Variants in PTPRD observed in about 807,000 individuals in gnomAD.
The protein encoded by PTPRD is protein tyrosine phosphatase receptor type D, also known as receptor-type tyrosine-protein phosphatase delta.
PTPRD carries 34 observed loss-of-function variants against 214.5 expected under a neutral mutation model. The observed-to-expected ratio is 0.16, with a 90% CI of 0.12 to 0.21. The LOEUF is 0.21. Ranked by LOEUF, PTPRD falls within the 10% of genes least tolerant of loss-of-function variation. The pLI, the probability that PTPRD is intolerant of heterozygous loss-of-function variation, is 1.00. For missense variants in PTPRD, 2,545 were observed against 2,398.7 expected, an observed-to-expected ratio of 1.06 and a Z score of -1.27; for synonymous variants, 1,128 against 845.7, an observed-to-expected ratio of 1.33 and a Z score of -5.79.
chr9:9,039,295 C>T (rs538635525), intron 10 of PTPRD, among the ~76,000 whole-genome samples: 4 of 152,166 alleles, frequency 2.6e-5, no homozygotes, highest in Admixed American at 6.5e-5. Context: ...ACATTGGTAG[C>T]GGAGGAATTC....
chr9:9,685,793 G>A (rs893323422), intron 7 of PTPRD, among the ~76,000 whole-genome samples: 11 of 150,872 alleles, frequency 7.3e-5, no homozygotes, highest in Admixed American at 4.6e-4. Context: ...AATACTATTT[G>A]CCAAATATTC....
chr9:8,721,181 C>G (rs1177774811), intron 12 of PTPRD, among the ~76,000 whole-genome samples: 1 of 151,798 alleles, frequency 6.6e-6, no homozygotes, highest in African/African-American at 2.4e-5. Flanking sequence ...GTTATCCCAA[C>G]ACTTTGGGAA....
intron 9 of PTPRD, among the ~76,000 whole-genome samples, chr9:9,220,395 T>C (rs564434541): frequency 6.6e-6 from 1 of 151,648 alleles, no homozygotes; most frequent in African/African-American, 2.4e-5. Context: ...GCATTACTGA[T>C]AAATCTTACC....
chr9:9,996,868 G>C (rs1258181886), intron 4 of PTPRD, among the ~76,000 whole-genome samples: 4 of 152,106 alleles, frequency 2.6e-5, no homozygotes. Context: ...AGAGAAAGAA[G>C]AGCTGATTTT....
At chr9:10,531,792 G>C (rs1210097283) in intron 2 of PTPRD, among the ~76,000 whole-genome samples, 2 of 152,060 alleles carry the variant, frequency 1.3e-5, no homozygotes, top group Admixed American at 6.6e-5. Context: ...TTGTAGCTTT[G>C]CTGCAATAAT....
intron 5 of PTPRD, among the ~76,000 whole-genome samples, chr9:9,920,128 C>T (rs1260576243): frequency 6.6e-6 from 1 of 152,072 alleles, no homozygotes; most frequent in African/African-American, 2.4e-5. Context: ...AAATTGTTGT[C>T]AGTTTTGGTT....
intron 5 of PTPRD, among the ~76,000 whole-genome samples, chr9:9,907,153 C>T (rs528313885): frequency 2.3e-4 from 20 of 88,576 alleles, no homozygotes; most frequent in Admixed American, 4.2e-4. Flanking sequence ...TTGCCTATTC[C>T]CCAAACTCCA....
chr9:10,082,355 G>A lies in PTPRD; in HGVS notation c.-544-48565C>T, dbSNP rs291322. On this transcript the variant is annotated intron_variant, in intron 3 of 45. Coordinates refer to ENST00000381196, the MANE Select transcript of PTPRD (RefSeq NM_002839.4). Reference sequence around the variant, plus strand: ...GGGATGTCCCAAACACGGTCAAGATGTACAGCATATCATAAGAGCAATCAT... The same window carrying A: ...GGGATGTCCCAAACACGGTCAAGATATACAGCATATCATAAGAGCAATCAT... Among the ~76,000 whole-genome samples the A allele has an allele frequency of 3.6e-3, 552 of 152,210 alleles. 4 individuals are homozygous for A. Among genetic ancestry groups the A allele is most frequent in the Middle Eastern group, 0.014 (4 of 294 alleles).
chr9:9,426,993 G>A (rs925573985), intron 8 of PTPRD, among the ~76,000 whole-genome samples: 19 of 152,162 alleles, frequency 1.2e-4, no homozygotes, highest in Non-Finnish European at 2.4e-4. Flanking sequence ...CTAAAAATCA[G>A]AACACCTCTT....
In PTPRD at chr9:9,930,507, C is replaced by A. The variant is rs182398724; in HGVS notation, c.-368+8000G>T. The stretch of plus-strand genomic sequence containing the variant: ...AATGTAAACAAATGTACAACTCATT[C>A]ATGTGTCACTCAAACTGGATAAAGA... On this transcript the variant is annotated intron_variant, in intron 5 of 45. Transcript: ENST00000381196. Among the ~76,000 whole-genome samples, 822 of 152,236 alleles carry A rather than the reference C, an allele frequency of 5.4e-3. 8 individuals are homozygous for A. The highest frequency in any genetic ancestry group is 0.019 in the African/African-American group (776 of 41,536).
At chr9:10,044,234 G>A (rs1290475919) in intron 3 of PTPRD, among the ~76,000 whole-genome samples, 2 of 151,484 alleles carry the variant, frequency 1.3e-5, no homozygotes, top group Non-Finnish European at 3.0e-5. Flanking sequence ...AGGTCTATGA[G>A]TTTTTCTCTA....
rs869096131 is a variant in PTPRD, at chr9:9,976,689, C to CAAAAAAAAAAAA, written c.-471-38091_-471-38080dup. On this transcript the variant is annotated intron_variant, in intron 4 of 45. Coordinates refer to ENST00000381196, the MANE Select transcript of PTPRD (RefSeq NM_002839.4). ...GGTGTGAGCCACTACACCCTGCCAC[C>CAAAAAAAAAAAA]AAAAAAAAAAAAAAAAAAAAAAATT... 1.9e-4 allele frequency among the ~76,000 whole-genome samples: 12 copies of CAAAAAAAAAAAA among 63,250 alleles called. 1 individual carries two copies. The highest frequency in any genetic ancestry group is 8.4e-4 in the African/African-American group (11 of 13,066). The allele number at this position is 63,250 out of a possible 152,430, so 41.5% of individuals were successfully genotyped here. A position where few individuals can be genotyped will look rare whatever the true frequency, so the allele number is the denominator to read the frequency against.
chr9:10,163,566 T>A (rs1341459033), intron 3 of PTPRD, among the ~76,000 whole-genome samples: 2 of 151,470 alleles, frequency 1.3e-5, no homozygotes, highest in African/African-American at 4.8e-5. Flanking sequence ...TCATAATTCA[T>A]TTCCAAATTC....
intron 3 of PTPRD, among the ~76,000 whole-genome samples, chr9:10,195,096 C>A (rs997517380): frequency 1.3e-4 from 13 of 100,678 alleles, no homozygotes; most frequent in African/African-American, 5.9e-5. Flanking sequence ...CCATACCCGG[C>A]TATTTTTTTT....
Position 10,308,588 on chromosome 9 carries a change from T to G in PTPRD, c.-545+32375A>C, listed in dbSNP as rs142128890. ...AAAAATTTAAAGATTTTATTCTATT[T>G]CTGTGAATAATACCATTAGTATTTT... is the stretch of plus-strand genomic sequence containing the variant. On this transcript the variant is annotated intron_variant, in intron 3 of 45. Transcript: ENST00000381196. Among the ~76,000 whole-genome samples the G allele has an allele frequency of 2.7e-3, 417 of 152,200 alleles. 10 individuals carry two copies. Among genetic ancestry groups the G allele is most frequent in the Admixed American group, 0.024 (363 of 15,266 alleles).
chr9:10,282,201 C>T (rs948908186), intron 3 of PTPRD, among the ~76,000 whole-genome samples: 2 of 152,074 alleles, frequency 1.3e-5, no homozygotes, highest in Non-Finnish European at 2.9e-5. Context: ...TACTTAATAT[C>T]CTTTGCTCTC....
chr9:8,352,063 A>C (rs1320642600), intron 39 of PTPRD, among the ~76,000 whole-genome samples: 2 of 141,598 alleles, frequency 1.4e-5, no homozygotes, highest in Non-Finnish European at 3.0e-5. Context: ...GAAAAAAAAA[A>C]TCCACATGGG....
At chr9:9,687,828 G>C (rs1595244815) in intron 7 of PTPRD, among the ~76,000 whole-genome samples, 1 of 151,716 alleles carries the variant, frequency 6.6e-6, no homozygotes, top group African/African-American at 2.4e-5. Context: ...TGCACACACA[G>C]ATACATTATT....
intron 3 of PTPRD, among the ~76,000 whole-genome samples, chr9:10,231,989 A>AGAGAGAGTGTGTGTGTGTGTGT (rs1245284728): frequency 5.4e-5 from 5 of 92,436 alleles, no homozygotes; most frequent in African/African-American, 2.6e-4. Flanking sequence ...AGAGAGAGAG[A>AGAGAGAGTGTGTGTGTGTGTGT]GTGTGTGTGT....
Sources: gnomAD v4.1 joint callset for allele counts (sites outside exome capture counted in the v4.1 genomes callset) on GRCh38, gnomAD v4.1.1 for gene constraint, MANE v1.5 for transcripts, NCBI Gene and HGNC (gene_info 2026-07-23, HGNC 2026-07-21) for gene names.